Variants in ITGA2 observed in about 807,000 individuals in gnomAD.
ITGA2 encodes the protein integrin alpha-2.
ITGA2 carries 101 observed loss-of-function variants against 146.3 expected under a neutral mutation model. That is an observed-to-expected ratio of 0.69 (90% CI 0.59 to 0.81). The LOEUF (loss-of-function observed/expected upper bound fraction) is 0.81. Among genes scored for constraint, ITGA2 ranks in the 40% least tolerant of loss-of-function variants. The probability of loss-of-function intolerance (pLI) is 0.00; values close to 1 mark genes in which losing one functional copy is unlikely to be tolerated. For synonymous variants in ITGA2, 477 were observed against 487.1 expected (o/e 0.98, Z 0.27); for missense variants, 1,281 against 1,402.7 (o/e 0.91, Z 1.39).
chr5:52,995,239 T>C (rs1474596893), intron 1 of ITGA2, among the ~76,000 whole-genome samples: 3 of 152,096 alleles, frequency 2.0e-5, no homozygotes, highest in African/African-American at 7.2e-5. Context: ...CTGAGAACAG[T>C]AGAAAGGTCT....
rs1052961433 is a variant in ITGA2 at position 53,065,978 on chromosome 5, G to T, written c.1943+1G>T. The T allele has an allele frequency of 6.2e-7, 1 of 1,611,650 alleles. No homozygotes were observed. Among genetic ancestry groups the T allele is most frequent in the Non-Finnish European group, 8.5e-7 (1 of 1,178,490 alleles). On this transcript the variant is annotated splice_donor_variant, in intron 15 of 29. Transcript: ENST00000296585. LOFTEE classifies it high-confidence loss of function. ...CCTTTGGACAAGTGGTTCAACTCTG[G>T]TGAGTCAGGAAGAGCCAGACACAAA...
chr5:52,994,470 A>G (rs1002714046), intron 1 of ITGA2, among the ~76,000 whole-genome samples: 7 of 152,208 alleles, frequency 4.6e-5, no homozygotes, highest in African/African-American at 1.7e-4. Flanking sequence ...TGCAAGGTTG[A>G]CCAATGAGAT....
rs1046981693 is a variant in ITGA2 at position 53,045,106 on chromosome 5, T to A, written c.387+14T>A. Reference sequence around the variant, plus strand: ...GGAGGTTTTCTCGTGAGTGTTTACTTTACAAATCATTATTCCTCTCAAGAA... The same window carrying A: ...GGAGGTTTTCTCGTGAGTGTTTACTATACAAATCATTATTCCTCTCAAGAA... On this transcript the variant is annotated intron_variant, in intron 4 of 29. Coordinates refer to ENST00000296585, the MANE Select transcript of ITGA2 (RefSeq NM_002203.4). 2.7e-5 allele frequency: 43 copies of A among 1,571,274 alleles called. 1 individual carries two copies. The highest frequency in any genetic ancestry group is 3.8e-5 in the Non-Finnish European group (43 of 1,141,056).
chr5:53,002,913 A>C (rs1429546347), intron 1 of ITGA2, among the ~76,000 whole-genome samples: 2 of 152,086 alleles, frequency 1.3e-5, no homozygotes, highest in African/African-American at 4.8e-5. Context: ...CATTTTTTCA[A>C]GTTACGATTT....
At chr5:53,087,960 C>T (rs887349723) in intron 28 of ITGA2, among the ~76,000 whole-genome samples, 1 of 152,184 alleles carries the variant, frequency 6.6e-6, no homozygotes, top group Admixed American at 6.5e-5. Context: ...GAGTGAAGCT[C>T]ACAGCACTGG....
chr5:53,009,081 C>T (rs1741994454), intron 1 of ITGA2, among the ~76,000 whole-genome samples: 1 of 152,116 alleles, frequency 6.6e-6, no homozygotes, highest in South Asian at 2.1e-4. Flanking sequence ...GGTGGACCTG[C>T]TGCTTTATAG....
intron 1 of ITGA2, among the ~76,000 whole-genome samples, chr5:52,999,401 G>A (rs1486036244): frequency 6.6e-6 from 1 of 152,052 alleles, no homozygotes; most frequent in East Asian, 1.9e-4. Flanking sequence ...TAGGGCTTGG[G>A]TTTCATTTTA....
At position 53,061,007 on chromosome 5, in the gene ITGA2, T is replaced by C; in HGVS notation, c.1419T>C (p.Asn473=). The C allele has an allele frequency of 6.2e-7, 1 of 1,612,378 alleles. No individual in the cohort carries two copies. The highest frequency in any genetic ancestry group is 8.5e-7 in the Non-Finnish European group (1 of 1,178,876). The change falls in exon 12 of 30, where the codon AAT becomes AAC. Residue 473 remains asparagine (N), a synonymous_variant. Transcript: ENST00000296585. The stretch of plus-strand genomic sequence containing the variant: ...TAGTGCTATATAGTGTGAATGAGAA[T>C]GGCAATATCACGGTTATTCAGGCTC... The part of the protein sequence containing the change: ...GQIVLYSVNE[N]GNITVIQAHR...
intron 1 of ITGA2, among the ~76,000 whole-genome samples, chr5:52,998,599 A>G (rs397808): frequency 0.78 from 119,053 of 152,048 alleles, 47,276 homozygotes; most frequent in Non-Finnish European, 0.85. Context: ...TTTCACTGAG[A>G]TTCATGCACC....
At chr5:53,015,292 T>C (rs1383343542) in intron 1 of ITGA2, among the ~76,000 whole-genome samples, 1 of 152,202 alleles carries the variant, frequency 6.6e-6, no homozygotes, top group Non-Finnish European at 1.5e-5. Context: ...TCTCATGTTG[T>C]ATCTTTGCTT....
chr5:52,991,116 A>C (rs1740932918), intron 1 of ITGA2, among the ~76,000 whole-genome samples: 1 of 152,186 alleles, frequency 6.6e-6, no homozygotes, highest in African/African-American at 2.4e-5. Flanking sequence ...TAATAAGGAC[A>C]CCTCAGGGCA....
intron 11 of ITGA2, 57 bp downstream of exon 11, chr5:53,060,069 T>A: frequency 6.3e-7 from 1 of 1,579,044 alleles, no homozygotes. Flanking sequence ...TTAAACCAGC[T>A]CTTTGTTGAA....
intron 2 of ITGA2, among the ~76,000 whole-genome samples, chr5:53,041,666 C>A (rs1421243983): frequency 1.3e-5 from 2 of 152,120 alleles, no homozygotes; most frequent in Admixed American, 6.5e-5. Flanking sequence ...GTAAAATCTA[C>A]ACTGAAGTTC....
chr5:53,090,065 A>G lies in ITGA2; in HGVS notation c.3465+3A>G. The G allele has an allele frequency of 6.5e-7, 1 of 1,548,406 alleles. No homozygotes were observed. Among genetic ancestry groups the G allele is most frequent in the Non-Finnish European group, 8.9e-7 (1 of 1,120,292 alleles). Reference sequence around the variant, plus strand: ...CTCTGGTTGCAATTTTATGGAAGGTAAGAAAAGCTTTATATTTTAAAATAC... The same window carrying G: ...CTCTGGTTGCAATTTTATGGAAGGTGAGAAAAGCTTTATATTTTAAAATAC... On this transcript the variant is annotated splice_donor_region_variant and intron_variant, in intron 29 of 29. Coordinates refer to ENST00000296585, the MANE Select transcript of ITGA2 (RefSeq NM_002203.4).
Position 53,092,568 on chromosome 5 carries a change from T to C in ITGA2, c.*1969T>C, listed in dbSNP as rs1215242402. On this transcript the variant is annotated 3_prime_UTR_variant, in exon 30 of 30. Coordinates refer to ENST00000296585, the MANE Select transcript of ITGA2 (RefSeq NM_002203.4). Reference sequence around the variant, plus strand: ...TATTCTCCAGTTAGGTATGCCAGAGTCCAATTCTTTTAACAGCTGTGAGAA... The same window carrying C: ...TATTCTCCAGTTAGGTATGCCAGAGCCCAATTCTTTTAACAGCTGTGAGAA... 1 of 150,650 alleles carries C rather than the reference T, an allele frequency of 6.6e-6. No homozygotes were observed. The highest frequency in any genetic ancestry group is 6.6e-5 in the Admixed American group (1 of 15,104). The allele number at this position is 150,650 out of a possible 1,614,324, so 9.3% of individuals were successfully genotyped here.
At chr5:53,018,345 C>T (rs1262997788) in intron 1 of ITGA2, among the ~76,000 whole-genome samples, 2 of 152,080 alleles carry the variant, frequency 1.3e-5, no homozygotes, top group Admixed American at 1.3e-4. Context: ...CTCAGGTGTC[C>T]GTGGGGGTCG....
At chr5:53,047,448 A>G (rs1744146056) in intron 4 of ITGA2, among the ~76,000 whole-genome samples, 1 of 152,202 alleles carries the variant, frequency 6.6e-6, no homozygotes, top group South Asian at 2.1e-4. Context: ...TGGAGATATT[A>G]AGGATTGGAG....
chr5:53,080,320 C>T (rs1344922818), intron 24 of ITGA2, among the ~76,000 whole-genome samples, 191 bp from the exon 25 acceptor site: 3 of 152,106 alleles, frequency 2.0e-5, no homozygotes, highest in African/African-American at 4.8e-5. Flanking sequence ...AAATTGCAAC[C>T]TCAGGCATAA....
chr5:53,010,576 C>G lies in ITGA2; in HGVS notation c.65-16172C>G, dbSNP rs149860137. ...AGGACAGATCATGCCTGGCATCTCA[C>G]TCACACCAAATTTAGATGATGAGAT... On this transcript the variant is annotated intron_variant, in intron 1 of 29. Coordinates refer to ENST00000296585, the MANE Select transcript of ITGA2 (RefSeq NM_002203.4). Among the ~76,000 whole-genome samples, 348 of 152,246 alleles carry G rather than the reference C, an allele frequency of 2.3e-3. 3 individuals carry two copies. The highest frequency in any genetic ancestry group is 8.2e-3 in the African/African-American group (341 of 41,550).
Sources: gnomAD v4.1 joint callset for allele counts (sites outside exome capture counted in the v4.1 genomes callset) on GRCh38, gnomAD v4.1.1 for gene constraint, MANE v1.5 for transcripts, NCBI Gene and HGNC (gene_info 2026-07-23, HGNC 2026-07-21) for gene names.